PCCB: variants seen among roughly 807,000 people sequenced by gnomAD.
PCCB encodes the protein propionyl-CoA carboxylase subunit beta.
A neutral mutation model predicts 60.7 loss-of-function variants in PCCB; 43 were observed. The observed-to-expected ratio is 0.71, with a 90% CI of 0.55 to 0.91. The LOEUF (loss-of-function observed/expected upper bound fraction) is 0.91, where lower values mean the gene tolerates loss of function less well. Among genes scored for constraint, PCCB ranks in the 40% least tolerant of loss-of-function variants. PCCB has a pLI of 0.00. For missense variants in PCCB, 766 were observed against 702.8 expected, an observed-to-expected ratio of 1.09 and a Z score of -1.02; for synonymous variants, 276 against 255.9, an observed-to-expected ratio of 1.08 and a Z score of -0.75.
At chr3:136,313,153 T>A (rs752873496) in intron 9 of PCCB, among the ~76,000 whole-genome samples, 45 of 152,204 alleles carry the variant, frequency 3.0e-4, no homozygotes, top group Non-Finnish European at 5.4e-4. Flanking sequence ...GGGACTCTGG[T>A]ATTATCCAGG....
chr3:136,292,367 A>G (rs1197090078), intron 6 of PCCB, among the ~76,000 whole-genome samples: 8 of 152,204 alleles, frequency 5.3e-5, no homozygotes, highest in Admixed American at 5.2e-4. Flanking sequence ...ATAAGATAAA[A>G]GACTGATATA....
chr3:136,323,758 C>G (rs905940834), intron 10 of PCCB, among the ~76,000 whole-genome samples: 1 of 149,002 alleles, frequency 6.7e-6, no homozygotes, highest in African/African-American at 2.5e-5. Flanking sequence ...GCACTCCAGC[C>G]TGGGTGACAA....
At chr3:136,289,206 G>T (rs1206068787) in intron 6 of PCCB, among the ~76,000 whole-genome samples, 1 of 152,036 alleles carries the variant, frequency 6.6e-6, no homozygotes, top group African/African-American at 2.4e-5. Flanking sequence ...CTGCCTGCTG[G>T]ATCTGTCCAC....
At chr3:136,296,446 T>G (rs1264775872) in intron 7 of PCCB, among the ~76,000 whole-genome samples, 1 of 152,242 alleles carries the variant, frequency 6.6e-6, no homozygotes, top group Non-Finnish European at 1.5e-5. Flanking sequence ...CAGTACTTTA[T>G]TCATTTTTAT....
At chr3:136,255,500 T>G (rs1435712792) in intron 1 of PCCB, 3 of 321,932 alleles carry the variant, frequency 9.3e-6, no homozygotes, top group Non-Finnish European at 1.8e-5. Flanking sequence ...CACCACCTGC[T>G]TCTGCATTCT....
chr3:136,320,476 A>G lies in PCCB; in HGVS notation c.1090+3412A>G, dbSNP rs185024639. 3.1e-4 allele frequency among the ~76,000 whole-genome samples: 47 copies of G among 152,148 alleles called. 1 individual carries two copies. The highest frequency in any genetic ancestry group is 1.1e-3 in the African/African-American group (44 of 41,526). On this transcript the variant is annotated intron_variant, in intron 10 of 14. Transcript: ENST00000251654. ...TCATGTACATGGAATTGCTTTCTCA[A>G]TTTCTTTTTCGGATTGTTCATTGCT...
chr3:136,282,502 ATC>A (rs1942507240), intron 5 of PCCB, among the ~76,000 whole-genome samples: 1 of 152,158 alleles, frequency 6.6e-6, no homozygotes, highest in Non-Finnish European at 1.5e-5. Context: ...GTTACTATAT[ATC>A]TCTTAATTTA....
At position 136,324,566 on chromosome 3, in the gene PCCB, TG is replaced by T. The variant is rs563637512; in HGVS notation, c.1091-2236del. 3.2e-3 allele frequency among the ~76,000 whole-genome samples: 480 copies of T among 152,326 alleles called. 6 individuals are homozygous for T. The highest frequency in any genetic ancestry group is 0.011 in the African/African-American group (464 of 41,574). On this transcript the variant is annotated intron_variant, in intron 10 of 14. Coordinates refer to ENST00000251654, the MANE Select transcript of PCCB (RefSeq NM_000532.5). ...AATTCTCCCTATTCACGGGTGCTTT[TG>T]AATGCACTAATTTCCTAAAGACACT...
At chr3:136,252,790 G>A (rs1310748692) in intron 1 of PCCB, among the ~76,000 whole-genome samples, 2 of 150,928 alleles carry the variant, frequency 1.3e-5, no homozygotes, top group African/African-American at 2.4e-5. Context: ...GGTGTGAGCC[G>A]CAGTGCCTGG....
intron 9 of PCCB, among the ~76,000 whole-genome samples, chr3:136,303,055 A>C (rs1389365392): frequency 8.1e-6 from 1 of 122,814 alleles, no homozygotes; most frequent in African/African-American, 2.5e-5. Flanking sequence ...ACTGCACTCC[A>C]TCCTGGTGTG....
At chr3:136,308,388 A>G (rs1934526537) in intron 9 of PCCB, among the ~76,000 whole-genome samples, 1 of 152,114 alleles carries the variant, frequency 6.6e-6, no homozygotes, top group South Asian at 2.1e-4. Context: ...GCTAAAAGCC[A>G]TAGTTCACAA....
intron 10 of PCCB, among the ~76,000 whole-genome samples, chr3:136,325,145 C>T (rs1397450308): frequency 6.6e-6 from 1 of 151,930 alleles, no homozygotes; most frequent in Non-Finnish European, 1.5e-5. Context: ...CCACCTTGGC[C>T]TCCCAAAATG....
At chr3:136,256,798 A>G (rs1270273383) in intron 3 of PCCB, among the ~76,000 whole-genome samples, 175 bp downstream of exon 3, 1 of 152,180 alleles carries the variant, frequency 6.6e-6, no homozygotes, top group Non-Finnish European at 1.5e-5. Context: ...TTACTTAGGA[A>G]GAGTCCTTAG....
chr3:136,285,091 A>C (rs1192137660), intron 6 of PCCB, among the ~76,000 whole-genome samples: 1 of 94,698 alleles, frequency 1.1e-5, no homozygotes, highest in African/African-American at 3.4e-5. Context: ...CCTGCCTCAA[A>C]AAAAAAAAAA....
intron 5 of PCCB, among the ~76,000 whole-genome samples, chr3:136,276,144 T>C (rs998580938): frequency 6.6e-6 from 1 of 152,204 alleles, no homozygotes; most frequent in African/African-American, 2.4e-5. Context: ...GAAAGGTCTC[T>C]TGAAGCTCAT....
At chr3:136,287,728 G>C (rs1009305961) in intron 6 of PCCB, among the ~76,000 whole-genome samples, 1 of 152,104 alleles carries the variant, frequency 6.6e-6, no homozygotes, top group African/African-American at 2.4e-5. Flanking sequence ...GAGCCACTGC[G>C]CCCAGTTATA....
intron 1 of PCCB, among the ~76,000 whole-genome samples, chr3:136,255,050 A>G (rs531934157): frequency 1.7e-4 from 26 of 151,812 alleles, no homozygotes; most frequent in Admixed American, 1.2e-3. Context: ...CTTATTTTGT[A>G]TCTTTAATAG....
At chr3:136,299,871 C>T (rs1402317855) in intron 8 of PCCB, among the ~76,000 whole-genome samples, 1 of 150,192 alleles carries the variant, frequency 6.7e-6, no homozygotes, top group South Asian at 2.1e-4. Context: ...TATGTATATG[C>T]ATGCATGTGT....
intron 6 of PCCB, among the ~76,000 whole-genome samples, chr3:136,285,452 CT>C (rs542626958): frequency 6.3e-4 from 96 of 152,194 alleles, no homozygotes; most frequent in African/African-American, 2.3e-3. Flanking sequence ...AAAAACTGTC[CT>C]CTAGTTGGCA....
Sources: allele counts gnomAD v4.1 joint callset (sites outside exome capture counted in the v4.1 genomes callset), GRCh38; gene constraint gnomAD v4.1.1; transcripts MANE v1.5; gene names NCBI Gene and HGNC (gene_info 2026-07-23, HGNC 2026-07-21).